Variants in AACS observed in about 807,000 individuals in gnomAD.
AACS encodes acetoacetyl-CoA synthetase, also known as acetoacetate-CoA ligase.
A neutral mutation model predicts 83.1 loss-of-function variants in AACS; 69 were observed. The ratio of observed to expected loss-of-function variants is 0.83; its 90% CI spans 0.68 to 1.01. The LOEUF (loss-of-function observed/expected upper bound fraction) is 1.01. Among genes scored for constraint, AACS ranks in the 50% least tolerant of loss-of-function variants. AACS has a pLI of 0.00. For missense variants in AACS, 866 were observed against 882.2 expected (o/e 0.98, Z 0.23); for synonymous variants, 333 against 343.4 (o/e 0.97, Z 0.33).
At chr12:125,132,057 C>T (rs761548672) in intron 14 of AACS, among the ~76,000 whole-genome samples, 2 of 152,292 alleles carry the variant, frequency 1.3e-5, no homozygotes, top group Non-Finnish European at 1.5e-5. Context: ...CCAGGAGACT[C>T]GAAGCTTAAG....
At chr12:125,087,819 G>A (rs989407896) in intron 4 of AACS, among the ~76,000 whole-genome samples, 26 of 152,224 alleles carry the variant, frequency 1.7e-4, no homozygotes, top group Non-Finnish European at 3.4e-4. Flanking sequence ...AACAGGACTG[G>A]ACATGGAGTT....
At chr12:125,090,681 A>C (rs1380994537) in intron 4 of AACS, among the ~76,000 whole-genome samples, 2 of 150,668 alleles carry the variant, frequency 1.3e-5, no homozygotes, top group African/African-American at 5.0e-5. Flanking sequence ...TCATCCGTCC[A>C]TTCATTCATC....
At chr12:125,079,387 C>T (rs1956109580) in intron 3 of AACS, among the ~76,000 whole-genome samples, 2 of 152,112 alleles carry the variant, frequency 1.3e-5, no homozygotes, top group East Asian at 1.9e-4. Context: ...TCTGCGTCCC[C>T]AGGGTCACCC....
chr12:125,132,386 G>A (rs1240221932), intron 14 of AACS, among the ~76,000 whole-genome samples: 1 of 152,240 alleles, frequency 6.6e-6, no homozygotes, highest in African/African-American at 2.4e-5. Flanking sequence ...AGGGAGATCT[G>A]ACTCCAGGCA....
At chr12:125,135,664 A>G (rs905320347) in intron 16 of AACS, 1 of 152,286 alleles carries the variant, frequency 6.6e-6, no homozygotes, top group Admixed American at 6.5e-5. Context: ...TTGTGTGGCC[A>G]GGGTAGAGAA....
At chr12:125,078,329 G>A in intron 3 of AACS, 1 of 456,198 alleles carries the variant, frequency 2.2e-6, no homozygotes, top group Non-Finnish European at 4.4e-6. Flanking sequence ...CATTCCTGGT[G>A]AAGAGCCATG....
chr12:125,086,817 A>AGT (rs1956349584), intron 4 of AACS, among the ~76,000 whole-genome samples: 2 of 151,358 alleles, frequency 1.3e-5, no homozygotes, highest in South Asian at 2.1e-4. Flanking sequence ...AGGCCCATTC[A>AGT]ATATGGGCTT....
At chr12:125,105,561 T>G (rs1956816505) in intron 7 of AACS, 4 of 152,214 alleles carry the variant, frequency 2.6e-5, no homozygotes, top group Admixed American at 2.6e-4. Flanking sequence ...GCCTGGCTAT[T>G]TTTTCTGAAT....
At chr12:125,137,978 C>T (rs1957423479) in intron 17 of AACS, among the ~76,000 whole-genome samples, 1 of 152,194 alleles carries the variant, frequency 6.6e-6, no homozygotes, top group South Asian at 2.1e-4. Context: ...TATCTGATGC[C>T]GTTTACTTTG....
intron 4 of AACS, among the ~76,000 whole-genome samples, chr12:125,087,372 C>G (rs1956363014): frequency 6.6e-6 from 1 of 152,244 alleles, no homozygotes; most frequent in South Asian, 2.1e-4. Context: ...ATTTTCCTTT[C>G]ACCTTGACTT....
At chr12:125,091,961 C>T (rs57577974) in intron 5 of AACS, among the ~76,000 whole-genome samples, 2,774 of 152,326 alleles carry the variant, frequency 0.018, 80 homozygotes, top group African/African-American at 0.063. Flanking sequence ...GCCCCTTCCT[C>T]TGGACCCGTA....
Position 125,136,699 on chromosome 12 carries a change from C to A in AACS, c.1716C>A (p.Val572=). 2 of 1,614,090 alleles carry A rather than the reference C, an allele frequency of 1.2e-6. No individual in the cohort carries two copies. The highest frequency in any genetic ancestry group is 2.2e-5 in the East Asian group (1 of 44,878). The change falls in exon 17 of 18, where the codon GTC becomes GTA. Residue 572 remains valine (V), a synonymous_variant. Transcript: ENST00000316519. Reference sequence around the variant, plus strand: ...AGGAGGTGGAGGACAGCCTGTGTGTCCCCCAGTATAACAAGTACAGGGAGG... The same window carrying A: ...AGGAGGTGGAGGACAGCCTGTGTGTACCCCAGTATAACAAGTACAGGGAGG... ...SFEEVEDSLC[V]PQYNKYREER... is the part of the protein sequence containing the mutation.
chr12:125,116,667 G>T (rs777845056), intron 9 of AACS, among the ~76,000 whole-genome samples: 25 of 152,012 alleles, frequency 1.6e-4, no homozygotes, highest in Non-Finnish European at 3.2e-4. Context: ...GGGTTTCACC[G>T]TGTTGGCCAG....
At chr12:125,066,495 G>C (rs1026950672) in intron 1 of AACS, among the ~76,000 whole-genome samples, 10 of 146,872 alleles carry the variant, frequency 6.8e-5, no homozygotes, top group African/African-American at 2.5e-4. Flanking sequence ...CGTTGCCCAG[G>C]CTGGAGTGCA....
chr12:125,098,596 C>G (rs538618784), intron 5 of AACS, among the ~76,000 whole-genome samples: 1 of 152,042 alleles, frequency 6.6e-6, no homozygotes, highest in African/African-American at 2.4e-5. Flanking sequence ...AGACTACAGG[C>G]GTGCGCCACC....
At chr12:125,134,184 C>A in intron 15 of AACS, 112 bp downstream of exon 15, 4 of 1,130,104 alleles carry the variant, frequency 3.5e-6, no homozygotes, top group Non-Finnish European at 5.0e-6. Context: ...CTGGGCACCT[C>A]ACTCCACTCC....
chr12:125,071,457 G>A (rs1321757384), intron 1 of AACS, among the ~76,000 whole-genome samples: 1 of 152,180 alleles, frequency 6.6e-6, no homozygotes, highest in East Asian at 1.9e-4. Flanking sequence ...TTATGTGCTT[G>A]CTTTGGCAGC....
chr12:125,125,132 A>C, intron 12 of AACS, 108 bp downstream of exon 12: 3 of 1,509,412 alleles, frequency 2.0e-6, no homozygotes, highest in Non-Finnish European at 2.7e-6. Context: ...TCCGCTGGGC[A>C]GCCAATACGC....
chr12:125,107,235 G>A lies in AACS; in HGVS notation c.882G>A (p.Thr294=), dbSNP rs562410610. ...TCATCATGTTCTCATCGGGCACCAC[G>A]GGCGCACCCAAGTGCATGGTGCATT... ...PLFIMFSSGT[T]GAPKCMVHSA... The change falls in exon 8 of 18, where the codon ACG becomes ACA. Residue 294 remains threonine (T), a synonymous_variant. Coordinates refer to ENST00000316519, the MANE Select transcript of AACS (RefSeq NM_023928.5). 37 of 1,614,022 alleles carry A rather than the reference G, an allele frequency of 2.3e-5. No homozygotes were observed. Among genetic ancestry groups the A allele is most frequent in the South Asian group, 1.8e-4 (16 of 91,086 alleles).
Sources: gnomAD v4.1 joint callset for allele counts (sites outside exome capture counted in the v4.1 genomes callset) on GRCh38, gnomAD v4.1.1 for gene constraint, MANE v1.5 for transcripts, NCBI Gene and HGNC (gene_info 2026-07-23, HGNC 2026-07-21) for gene names.